MAP2K5: variants seen among roughly 807,000 people sequenced by gnomAD.
MAP2K5 encodes dual specificity mitogen-activated protein kinase kinase 5.
Under a neutral mutation model 83.1 loss-of-function variants are expected in MAP2K5, and 49 were observed. That is an observed-to-expected ratio of 0.59 (90% confidence interval 0.47 to 0.75). MAP2K5 has a LOEUF of 0.75. MAP2K5 is among the 30% of genes least tolerant of loss of function. The pLI is 0.00. For synonymous variants in MAP2K5, 202 were observed against 191.8 expected (o/e 1.05, Z -0.44); for missense variants, 457 against 557.5 (o/e 0.82, Z 1.82).
intron 21 of MAP2K5, among the ~76,000 whole-genome samples, chr15:67,773,123 G>A (rs1454778958): frequency 1.3e-5 from 2 of 152,068 alleles, no homozygotes; most frequent in Non-Finnish European, 2.9e-5. Context: ...TCTGAATATG[G>A]CATGGAGTCC....
chr15:67,623,025 C>A (rs537866595), intron 8 of MAP2K5, among the ~76,000 whole-genome samples: 1 of 152,268 alleles, frequency 6.6e-6, no homozygotes, highest in South Asian at 2.1e-4. Context: ...TGGCGTGAAC[C>A]CGGGATTTGG....
intron 16 of MAP2K5, among the ~76,000 whole-genome samples, chr15:67,714,351 C>T (rs2088775111): frequency 7.7e-6 from 1 of 129,382 alleles, no homozygotes; most frequent in Non-Finnish European, 1.6e-5. Context: ...CATTATCTAG[C>T]CTTGGCTCTT....
chr15:67,615,574 C>A (rs771616423), intron 8 of MAP2K5, among the ~76,000 whole-genome samples: 16 of 151,928 alleles, frequency 1.1e-4, no homozygotes, highest in Non-Finnish European at 2.2e-4. Flanking sequence ...TGACAGAATA[C>A]TAAAATTTCG....
At position 67,786,869 on chromosome 15, in the gene MAP2K5, G is replaced by A. The variant is rs187502487; in HGVS notation, c.1242+14117G>A. 2.6e-5 allele frequency among the ~76,000 whole-genome samples: 4 copies of A among 152,310 alleles called. No homozygotes were observed. The highest frequency in any genetic ancestry group is 1.9e-4 in the East Asian group (1 of 5,186). On this transcript the variant is annotated intron_variant, in intron 21 of 21. Coordinates refer to ENST00000178640, the MANE Select transcript of MAP2K5 (RefSeq NM_145160.3). This position sits in a 1 kb window ranked among gnomAD's most constrained non-coding sequence, Gnocchi z 4.7. ...TCAATAAATGGTAACCATTTTTATC[G>A]TCATTGTCATCATCATCACTGCTAA...
intron 1 of MAP2K5, chr15:67,549,043 G>T: frequency 6.7e-7 from 1 of 1,491,576 alleles, no homozygotes; most frequent in Non-Finnish European, 8.9e-7. Context: ...AAAGGCTGTG[G>T]GCTCCCTGCT....
intron 14 of MAP2K5, among the ~76,000 whole-genome samples, 177 bp from the exon 15 acceptor site, chr15:67,693,341 T>C (rs779649149): frequency 1.3e-5 from 2 of 152,142 alleles, no homozygotes; most frequent in African/African-American, 2.4e-5. Flanking sequence ...GGAAATCACA[T>C]TCAAAAGAAA....
intron 12 of MAP2K5, among the ~76,000 whole-genome samples, chr15:67,662,641 A>T (rs2087265791): frequency 6.6e-6 from 1 of 152,134 alleles, no homozygotes; most frequent in African/African-American, 2.4e-5. Context: ...TTAAGTTTTT[A>T]ATGGTGACCA....
chr15:67,585,315 C>A (rs1468877503), intron 4 of MAP2K5, among the ~76,000 whole-genome samples: 1 of 152,066 alleles, frequency 6.6e-6, no homozygotes, highest in African/African-American at 2.4e-5. Flanking sequence ...CTGGCACTGC[C>A]TTATCTCTAG....
chr15:67,600,902 G>A (rs985883683), intron 8 of MAP2K5, among the ~76,000 whole-genome samples, 153 bp downstream of exon 8: 4 of 152,222 alleles, frequency 2.6e-5, no homozygotes, highest in Admixed American at 2.6e-4. Context: ...ATTTTCTCAA[G>A]AATTGCCTGG....
At chr15:67,639,548 C>A (rs1355733003) in intron 9 of MAP2K5, among the ~76,000 whole-genome samples, 4 of 152,150 alleles carry the variant, frequency 2.6e-5, no homozygotes, top group Non-Finnish European at 5.9e-5. Context: ...TGCCGGTGAC[C>A]CCCCTGCCGG....
In MAP2K5 at chr15:67,715,840, A is replaced by G. The variant is rs1596844562; in HGVS notation, c.1045-12076A>G. On this transcript the variant is annotated intron_variant, in intron 16 of 21. Coordinates refer to ENST00000178640, the MANE Select transcript of MAP2K5 (RefSeq NM_145160.3). ...TCCCATGACTTTCTATTCAGTATAA[A>G]GAAGGATTTTCTGATGGATAGAACT... is the stretch of plus-strand genomic sequence containing the variant. Among the ~76,000 whole-genome samples the G allele has an allele frequency of 7.2e-5, 11 of 152,320 alleles. 2 individuals carry two copies. The South Asian group carries it at 2.3e-3, about 32-fold the overall frequency.
At chr15:67,670,417 T>C (rs1365734116) in intron 13 of MAP2K5, 1 of 455,722 alleles carries the variant, frequency 2.2e-6, no homozygotes, top group East Asian at 6.9e-5. Context: ...ATGTGTTTTT[T>C]AGCAAACAAA....
intron 20 of MAP2K5, 54 bp from the exon 21 acceptor site, chr15:67,772,653 A>G (rs1596949229): frequency 2.4e-6 from 3 of 1,227,978 alleles, no homozygotes; most frequent in East Asian, 5.0e-5. Flanking sequence ...AAATTATAGC[A>G]AAAATATACA....
Position 67,555,444 on chromosome 15 carries a change from C to CATGAGA in MAP2K5, c.184+5362_184+5363insATGAGA, listed in dbSNP as rs1555525515. The stretch of plus-strand genomic sequence containing the variant: ...GCCCCGCCTGCAACATTGGGGATCA[C>CATGAGA]TTTGGAGGGGACAAATATTCAAACC... On this transcript the variant is annotated intron_variant, in intron 2 of 21. Coordinates refer to ENST00000178640, the MANE Select transcript of MAP2K5 (RefSeq NM_145160.3). The surrounding 1 kb of genome is among the most constrained non-coding windows in gnomAD (Gnocchi z 5.2). 2.0e-5 allele frequency among the ~76,000 whole-genome samples: 3 copies of CATGAGA among 152,064 alleles called. No individual in the cohort carries two copies. The highest frequency in any genetic ancestry group is 7.2e-5 in the African/African-American group (3 of 41,386).
intron 7 of MAP2K5, among the ~76,000 whole-genome samples, chr15:67,600,021 T>G (rs1238972362): frequency 6.6e-6 from 1 of 152,170 alleles, no homozygotes; most frequent in African/African-American, 2.4e-5. Context: ...GAAAATGACT[T>G]TAATAAAAAT....
chr15:67,641,067 C>T (rs1454644646), intron 9 of MAP2K5, among the ~76,000 whole-genome samples: 1 of 152,176 alleles, frequency 6.6e-6, no homozygotes, highest in Non-Finnish European at 1.5e-5. Context: ...TGTTAGCCAT[C>T]TTGTAAACAG....
chr15:67,677,848 T>G lies in MAP2K5; in HGVS notation c.847+13203T>G, dbSNP rs910682789. Among the ~76,000 whole-genome samples, 2 of 152,218 alleles carry G rather than the reference T, an allele frequency of 1.3e-5. No homozygotes were observed. The highest frequency in any genetic ancestry group is 2.4e-5 in the African/African-American group (1 of 41,454). ...TTATTAATCTTGTAAGTGTCCCAGGTACCCTGCCTTTATTGAAGAAGGAAA... is the reference window on the plus strand; with the variant it reads ...TTATTAATCTTGTAAGTGTCCCAGGGACCCTGCCTTTATTGAAGAAGGAAA... On this transcript the variant is annotated intron_variant, in intron 13 of 21. Coordinates refer to ENST00000178640, the MANE Select transcript of MAP2K5 (RefSeq NM_145160.3). The surrounding 1 kb of genome is among the most constrained non-coding windows in gnomAD (Gnocchi z 4.2).
chr15:67,567,968 A>T (rs2140973103), intron 3 of MAP2K5, among the ~76,000 whole-genome samples: 1 of 152,308 alleles, frequency 6.6e-6, no homozygotes, highest in African/African-American at 2.4e-5. Context: ...TAAGAAATTC[A>T]GCCAATACAT....
chr15:67,672,314 T>A (rs1324354032), intron 13 of MAP2K5, among the ~76,000 whole-genome samples: 109 of 152,086 alleles, frequency 7.2e-4, no homozygotes, highest in African/African-American at 2.6e-3. Flanking sequence ...CTACATCCTC[T>A]CCAGCACCTG....
Sources: allele counts gnomAD v4.1 joint callset (sites outside exome capture counted in the v4.1 genomes callset), GRCh38; gene constraint gnomAD v4.1.1; non-coding constraint Gnocchi (gnomAD v3.1); transcripts MANE v1.5; gene names NCBI Gene and HGNC (gene_info 2026-07-23, HGNC 2026-07-21).